Variants in ERC2 observed in about 807,000 individuals in gnomAD.
The protein encoded by ERC2 is ELKS/RAB6-interacting/CAST family member 2.
In ERC2, 42 loss-of-function variants were observed where a neutral mutation model predicts 114.8. The ratio of observed to expected loss-of-function variants is 0.37; its 90% CI spans 0.29 to 0.47. The LOEUF is 0.47. ERC2 is among the 20% of genes least tolerant of loss of function. The pLI, the probability that ERC2 is intolerant of heterozygous loss-of-function variation, is 0.99. For synonymous variants in ERC2, 454 were observed against 425.5 expected (o/e 1.07, Z -0.82); for missense variants, 939 against 1,150.7 (o/e 0.82, Z 2.66).
At chr3:56,402,393 G>A (rs2060552729) in intron 2 of ERC2, among the ~76,000 whole-genome samples, 1 of 152,182 alleles carries the variant, frequency 6.6e-6, no homozygotes, top group African/African-American at 2.4e-5. Flanking sequence ...ACATGGCACA[G>A]ATGGGCATGT....
chr3:56,311,453 C>T (rs1337569320), intron 2 of ERC2, among the ~76,000 whole-genome samples: 1 of 151,166 alleles, frequency 6.6e-6, no homozygotes, highest in East Asian at 1.9e-4. Context: ...TGCCCGCCAC[C>T]ACGCCCAGCT....
chr3:55,630,037 C>T (rs539010381), intron 17 of ERC2, among the ~76,000 whole-genome samples: 146 of 152,260 alleles, frequency 9.6e-4, no homozygotes, highest in African/African-American at 3.2e-3. Flanking sequence ...TGTAACAGGA[C>T]GGAAGAGAAG....
chr3:56,354,701 T>C (rs1028597309), intron 2 of ERC2, among the ~76,000 whole-genome samples: 4 of 152,220 alleles, frequency 2.6e-5, no homozygotes, highest in African/African-American at 9.6e-5. Context: ...TCCCAGCCTA[T>C]GCCTAAGTTC....
At chr3:55,529,869 T>C (rs2053563068) in intron 17 of ERC2, among the ~76,000 whole-genome samples, 1 of 152,232 alleles carries the variant, frequency 6.6e-6, no homozygotes, top group African/African-American at 2.4e-5. Context: ...TACTCTGGCC[T>C]GGGAGACCTG....
chr3:55,663,189 T>C (rs1363800955), intron 17 of ERC2, among the ~76,000 whole-genome samples: 2 of 152,202 alleles, frequency 1.3e-5, no homozygotes, highest in Non-Finnish European at 2.9e-5. Context: ...TAGACAATCG[T>C]TCTTTACTTT....
intron 12 of ERC2, among the ~76,000 whole-genome samples, chr3:55,972,666 G>A (rs925148598): frequency 1.3e-5 from 2 of 152,050 alleles, no homozygotes; most frequent in East Asian, 1.9e-4. Flanking sequence ...TTTCTTTATC[G>A]AGTATAACAT....
intron 4 of ERC2, among the ~76,000 whole-genome samples, chr3:56,170,462 C>T (rs1046636848): frequency 1.1e-4 from 16 of 152,054 alleles, no homozygotes; most frequent in African/African-American, 3.4e-4. Context: ...ATGTCTTTTG[C>T]GAGTTTATGC....
chr3:56,271,062 T>C (rs548907397), intron 3 of ERC2, among the ~76,000 whole-genome samples: 2 of 152,316 alleles, frequency 1.3e-5, no homozygotes, highest in African/African-American at 2.4e-5. Flanking sequence ...GTGAAAAACT[T>C]AAGTGGGAAA....
rs532253682 is a variant in ERC2 at position 55,551,759 on chromosome 3, C to T, written c.*40-40483G>A. On this transcript the variant is annotated intron_variant, in intron 17 of 17. Coordinates refer to ENST00000288221, the MANE Select transcript of ERC2 (RefSeq NM_015576.3). ...GTAATCAGCTTTACTCAAAGTCCTC[C>T]GATTTAAATGCTAAACTCGTCCAAA... Among the ~76,000 whole-genome samples, 1,245 of 152,188 alleles carry T rather than the reference C, an allele frequency of 8.2e-3. 17 individuals carry two copies. Among genetic ancestry groups the T allele is most frequent in the Non-Finnish European group, 0.013 (895 of 67,998 alleles).
intron 15 of ERC2, among the ~76,000 whole-genome samples, chr3:55,699,714 T>C (rs2063124227): frequency 6.6e-6 from 1 of 152,212 alleles, no homozygotes; most frequent in Admixed American, 6.5e-5. Context: ...CTTAAAGCTA[T>C]TATGTTACAT....
intron 14 of ERC2, among the ~76,000 whole-genome samples, chr3:55,844,825 A>G (rs1266351178): frequency 6.6e-6 from 1 of 152,258 alleles, no homozygotes; most frequent in East Asian, 1.9e-4. Context: ...GGACATATCT[A>G]TGAAAATGAA....
intron 6 of ERC2, among the ~76,000 whole-genome samples, chr3:56,122,809 T>C (rs1238469609): frequency 1.3e-5 from 2 of 152,212 alleles, no homozygotes; most frequent in Admixed American, 1.3e-4. Flanking sequence ...CCACTGCTTC[T>C]GCTGCTTTAG....
chr3:55,835,706 C>T (rs1324897805), intron 14 of ERC2, among the ~76,000 whole-genome samples: 1 of 152,094 alleles, frequency 6.6e-6, no homozygotes, highest in South Asian at 2.1e-4. Context: ...ACAGGGATGC[C>T]CTCTCTCACC....
At chr3:56,191,864 A>G (rs1171190572) in intron 3 of ERC2, among the ~76,000 whole-genome samples, 2 of 152,094 alleles carry the variant, frequency 1.3e-5, no homozygotes, top group East Asian at 3.9e-4. Flanking sequence ...CACAGGCCAC[A>G]CACACACACA....
At chr3:56,117,430 A>G (rs951276914) in intron 6 of ERC2, among the ~76,000 whole-genome samples, 7 of 152,352 alleles carry the variant, frequency 4.6e-5, no homozygotes, top group Admixed American at 6.5e-5. Context: ...CTGCTAAGAC[A>G]AAGACAACAG....
chr3:55,999,960 T>C (rs2071903383), intron 10 of ERC2, among the ~76,000 whole-genome samples: 2 of 151,814 alleles, frequency 1.3e-5, no homozygotes, highest in African/African-American at 4.8e-5. Flanking sequence ...TAATTTGTTT[T>C]ACTAGATATT....
chr3:55,911,736 G>A (rs1179733821), intron 13 of ERC2, among the ~76,000 whole-genome samples: 4 of 152,172 alleles, frequency 2.6e-5, no homozygotes, highest in African/African-American at 9.7e-5. Context: ...CTTCAATGAG[G>A]TGAATTTCTT....
Position 56,005,694 on chromosome 3 carries a change from C to A in ERC2, c.2061+1487G>T, listed in dbSNP as rs2072428903. Among the ~76,000 whole-genome samples, 3 of 152,020 alleles carry A rather than the reference C, an allele frequency of 2.0e-5. No homozygotes were observed. The South Asian group carries it at 6.2e-4, about 32-fold the overall frequency. ...GTCTATTTGAGGCCGTCTTTCTTCT[C>A]GACTCAGCACACTGTGACTAAGGTA... On this transcript the variant is annotated intron_variant, in intron 10 of 17. Transcript: ENST00000288221.
intron 7 of ERC2, among the ~76,000 whole-genome samples, chr3:56,036,308 GC>G (rs1354348669): frequency 1.3e-5 from 2 of 152,256 alleles, no homozygotes; most frequent in African/African-American, 4.8e-5. Flanking sequence ...CGACAAGGAT[GC>G]CCACTTTTGC....
Sources: allele counts gnomAD v4.1 joint callset (sites outside exome capture counted in the v4.1 genomes callset), GRCh38; gene constraint gnomAD v4.1.1; transcripts MANE v1.5; gene names NCBI Gene and HGNC (gene_info 2026-07-23, HGNC 2026-07-21).